The following PTPRD variants were observed in gnomAD, a reference collection of about 807,000 sequenced individuals.
PTPRD encodes receptor-type tyrosine-protein phosphatase delta.
Under a neutral mutation model 214.5 loss-of-function variants are expected in PTPRD, and 34 were observed. That is an observed-to-expected ratio of 0.16 (90% CI 0.12 to 0.21). The LOEUF (loss-of-function observed/expected upper bound fraction) is 0.21, where lower values mean the gene tolerates loss of function less well. PTPRD is among the 10% of genes least tolerant of loss of function. PTPRD has a pLI of 1.00. For missense variants in PTPRD, 2,545 were observed against 2,398.7 expected, an observed-to-expected ratio of 1.06 and a Z score of -1.27; for synonymous variants, 1,128 against 845.7, an observed-to-expected ratio of 1.33 and a Z score of -5.79.
intron 3 of PTPRD, among the ~76,000 whole-genome samples, chr9:10,119,110 G>A (rs1483059643): frequency 3.3e-5 from 5 of 151,978 alleles, no homozygotes; most frequent in Admixed American, 6.6e-5. Context: ...TAGTACTGCT[G>A]AGCAGTGAAA....
intron 11 of PTPRD, among the ~76,000 whole-genome samples, chr9:8,788,372 T>A (rs2096081232): frequency 6.8e-6 from 1 of 147,890 alleles, no homozygotes; most frequent in South Asian, 2.1e-4. Context: ...GCCTCTCAGG[T>A]TCAAGCCATT....
chr9:9,542,726 G>T (rs2077889641), intron 8 of PTPRD, among the ~76,000 whole-genome samples: 1 of 151,632 alleles, frequency 6.6e-6, no homozygotes, highest in Non-Finnish European at 1.5e-5. Context: ...AACATCATTA[G>T]TCATTACAGA....
chr9:9,633,425 A>G (rs2095656163), intron 7 of PTPRD, among the ~76,000 whole-genome samples: 1 of 152,210 alleles, frequency 6.6e-6, no homozygotes, highest in Non-Finnish European at 1.5e-5. Flanking sequence ...AAAGAATTCA[A>G]ACGACTTCCA....
At chr9:9,332,996 T>C (rs944941058) in intron 9 of PTPRD, among the ~76,000 whole-genome samples, 3 of 152,066 alleles carry the variant, frequency 2.0e-5, no homozygotes, top group African/African-American at 7.2e-5. Flanking sequence ...TATTTTTGTA[T>C]CCAAAAAGCA....
chr9:10,351,558 A>T (rs1252253343), intron 2 of PTPRD, among the ~76,000 whole-genome samples: 1 of 151,936 alleles, frequency 6.6e-6, no homozygotes, highest in Non-Finnish European at 1.5e-5. Flanking sequence ...CATAGCTGGA[A>T]CCCTTAGCTT....
intron 3 of PTPRD, among the ~76,000 whole-genome samples, chr9:10,332,019 A>T (rs1036982778): frequency 6.6e-5 from 10 of 151,852 alleles, no homozygotes; most frequent in Non-Finnish European, 1.3e-4. Context: ...GCAATAAGAC[A>T]TGCAAACAGA....
intron 3 of PTPRD, among the ~76,000 whole-genome samples, chr9:10,053,644 T>A (rs927415340): frequency 1.3e-5 from 2 of 152,176 alleles, no homozygotes. Flanking sequence ...TCAGGCAATA[T>A]CTTGTATCTT....
chr9:10,610,763 C>A (rs559513792), intron 2 of PTPRD, among the ~76,000 whole-genome samples: 1 of 152,252 alleles, frequency 6.6e-6, no homozygotes, highest in South Asian at 2.1e-4. Flanking sequence ...ATGATAACTT[C>A]ATGTCAACCA....
intron 3 of PTPRD, among the ~76,000 whole-genome samples, chr9:10,113,390 A>G (rs2098706780): frequency 6.6e-6 from 1 of 152,218 alleles, no homozygotes; most frequent in Non-Finnish European, 1.5e-5. Flanking sequence ...TATCATTCCC[A>G]CACCGTGCTT....
chr9:10,481,512 A>T (rs1319633292), intron 2 of PTPRD, among the ~76,000 whole-genome samples: 2 of 152,186 alleles, frequency 1.3e-5, no homozygotes, highest in East Asian at 1.9e-4. Flanking sequence ...AGACTCACAG[A>T]TGTATTTAAG....
At chr9:9,374,658 T>G (rs1013170116) in intron 9 of PTPRD, among the ~76,000 whole-genome samples, 2 of 152,200 alleles carry the variant, frequency 1.3e-5, no homozygotes, top group Non-Finnish European at 2.9e-5. Context: ...CCTCAATACG[T>G]TGTAACAAAT....
At chr9:10,335,694 A>G (rs2096832911) in intron 3 of PTPRD, among the ~76,000 whole-genome samples, 1 of 151,834 alleles carries the variant, frequency 6.6e-6, no homozygotes, top group African/African-American at 2.4e-5. Context: ...TAAAAGAGAT[A>G]TCTGACAAAG....
chr9:9,218,484 G>C (rs755178306), intron 9 of PTPRD, among the ~76,000 whole-genome samples: 3 of 152,088 alleles, frequency 2.0e-5, no homozygotes, highest in Non-Finnish European at 4.4e-5. Context: ...AAAATAAAAT[G>C]AAATGCCTTT....
At chr9:8,633,236 G>A (rs2154319824) in intron 14 of PTPRD, 81 bp downstream of exon 14, 1 of 1,507,812 alleles carries the variant, frequency 6.6e-7, no homozygotes, top group Non-Finnish European at 9.0e-7. Context: ...CCATCACAAT[G>A]CTAGTCTTTT....
At chr9:9,212,648 G>A (rs2099949536) in intron 9 of PTPRD, among the ~76,000 whole-genome samples, 1 of 152,170 alleles carries the variant, frequency 6.6e-6, no homozygotes, top group Admixed American at 6.6e-5. Flanking sequence ...TGTTGAGATA[G>A]AAGTATTTTG....
chr9:10,169,627 G>C (rs2099187904), intron 3 of PTPRD, among the ~76,000 whole-genome samples: 1 of 152,012 alleles, frequency 6.6e-6, no homozygotes, highest in Non-Finnish European at 1.5e-5. Flanking sequence ...ACCCAATGTA[G>C]AGAGAATCCA....
chr9:9,362,509 T>C (rs2056543810), intron 9 of PTPRD, among the ~76,000 whole-genome samples: 1 of 151,176 alleles, frequency 6.6e-6, no homozygotes, highest in Non-Finnish European at 1.5e-5. Flanking sequence ...CTTGTGGTAC[T>C]TCATTGTCAA....
intron 4 of PTPRD, among the ~76,000 whole-genome samples, chr9:10,018,985 C>G (rs1230415396): frequency 6.6e-6 from 1 of 152,122 alleles, no homozygotes; most frequent in African/African-American, 2.4e-5. Flanking sequence ...TCAGAGTGAA[C>G]AGGCAACCTA....
At chr9:9,837,891 T>C (rs867699730) in intron 5 of PTPRD, among the ~76,000 whole-genome samples, 3 of 152,172 alleles carry the variant, frequency 2.0e-5, no homozygotes, top group Admixed American at 2.0e-4. Flanking sequence ...TAGCATTAGG[T>C]ATATCTCCTA....
Sources: gnomAD v4.1 joint callset for allele counts (sites outside exome capture counted in the v4.1 genomes callset) on GRCh38, gnomAD v4.1.1 for gene constraint, MANE v1.5 for transcripts, NCBI Gene and HGNC (gene_info 2026-07-23, HGNC 2026-07-21) for gene names.